DDI2: variants seen among roughly 807,000 people sequenced by gnomAD.
DDI2 encodes protein DDI1 homolog 2.
Under a neutral mutation model 48.1 loss-of-function variants are expected in DDI2, and 5 were observed. That is an observed-to-expected ratio of 0.10 (90% CI 0.05 to 0.22). The LOEUF (loss-of-function observed/expected upper bound fraction) is 0.22. Ranked by LOEUF, DDI2 falls within the 10% of genes least tolerant of loss-of-function variation. DDI2 has a pLI of 1.00. For missense variants in DDI2, 285 were observed against 506.2 expected (o/e 0.56, Z 4.19); for synonymous variants, 205 against 183.6 (o/e 1.12, Z -0.94).
At chr1:15,624,003 C>T (rs550234941) in intron 1 of DDI2, among the ~76,000 whole-genome samples, 4 of 152,178 alleles carry the variant, frequency 2.6e-5, no homozygotes, top group South Asian at 4.2e-4. Context: ...TACAGTGAGC[C>T]GAGATCCCGC....
chr1:15,620,386 A>G (rs1639638997), intron 1 of DDI2, among the ~76,000 whole-genome samples: 1 of 152,130 alleles, frequency 6.6e-6, no homozygotes, highest in Admixed American at 6.6e-5. Flanking sequence ...ACATCACTAT[A>G]GTTTTTACCC....
chr1:15,618,450 C>T (rs1402778364), intron 1 of DDI2, among the ~76,000 whole-genome samples: 2 of 152,308 alleles, frequency 1.3e-5, no homozygotes, highest in African/African-American at 2.4e-5. Flanking sequence ...ATTGGTTCAA[C>T]TCAAGCTGTT....
intron 2 of DDI2, chr1:15,627,065 C>T: frequency 2.4e-6 from 1 of 412,100 alleles, no homozygotes; most frequent in Non-Finnish European, 4.4e-6. Flanking sequence ...AGCAAGCCCT[C>T]AATAAATGTT....
At chr1:15,641,976 AGG>A (rs1173191459) in intron 5 of DDI2, among the ~76,000 whole-genome samples, 1 of 148,412 alleles carries the variant, frequency 6.7e-6, no homozygotes, top group Non-Finnish European at 1.5e-5. Context: ...AAAAAAAAAA[AGG>A]AGAAGAAAGG....
chr1:15,636,236 C>T (rs1424378276), intron 4 of DDI2, among the ~76,000 whole-genome samples: 1 of 152,048 alleles, frequency 6.6e-6, no homozygotes, highest in East Asian at 1.9e-4. Flanking sequence ...TCAGGTGATC[C>T]TCCCCCATCA....
chr1:15,652,025 T>C, intron 8 of DDI2, 130 bp downstream of exon 8: 1 of 850,478 alleles, frequency 1.2e-6, no homozygotes, highest in Non-Finnish European at 1.6e-6. Flanking sequence ...ATGTGTTCAT[T>C]ATTTGTCTTC....
rs1419003923 is a variant in DDI2 at position 15,666,806 on chromosome 1, A to G, written c.*7016A>G. On this transcript the variant is annotated 3_prime_UTR_variant, in exon 10 of 10. Coordinates refer to ENST00000480945, the MANE Select transcript of DDI2 (RefSeq NM_032341.5). ...CATCTATTTTTGCCTGTTAGCATGC[A>G]TTTATTTTAAAAGTCATATTAGAGT... 6.6e-6 allele frequency: 1 copy of G among 152,222 alleles called. No individual in the cohort carries two copies. The highest frequency in any genetic ancestry group is 1.9e-4 in the East Asian group (1 of 5,200). 9.4% of individuals were successfully genotyped at this position (152,222 alleles called of 1,614,324 possible). A position where few individuals can be genotyped will look rare whatever the true frequency, so the allele number is the denominator to read the frequency against.
intron 5 of DDI2, among the ~76,000 whole-genome samples, chr1:15,639,225 C>T (rs1239901441): frequency 1.3e-5 from 2 of 151,782 alleles, no homozygotes; most frequent in South Asian, 2.1e-4. Context: ...CAGTAACAAC[C>T]GTTTGCTTTT....
At position 15,660,082 on chromosome 1, in the gene DDI2, C is replaced by A; in HGVS notation, c.*292C>A. ...GCTAAACTCTGAAAAGAAAGAACAT[C>A]TTTCTTTACAAGATCTTTCTGATCA... On this transcript the variant is annotated 3_prime_UTR_variant, in exon 10 of 10. Transcript: ENST00000480945. The A allele has an allele frequency of 6.2e-7, 1 of 1,614,004 alleles. No homozygotes were observed. The highest frequency in any genetic ancestry group is 8.5e-7 in the Non-Finnish European group (1 of 1,179,950).
At chr1:15,622,735 T>A (rs1639688192) in intron 1 of DDI2, among the ~76,000 whole-genome samples, 1 of 152,220 alleles carries the variant, frequency 6.6e-6, no homozygotes, top group Non-Finnish European at 1.5e-5. Context: ...GGTTGGAAGA[T>A]CACATGGATT....
chr1:15,656,161 G>T (rs1010962384), intron 8 of DDI2, among the ~76,000 whole-genome samples: 1 of 152,072 alleles, frequency 6.6e-6, no homozygotes, highest in Non-Finnish European at 1.5e-5. Flanking sequence ...TTTAAAAACT[G>T]ATGAAAAGAT....
chr1:15,637,767 G>C (rs1201122933), intron 4 of DDI2, among the ~76,000 whole-genome samples: 5 of 152,086 alleles, frequency 3.3e-5, no homozygotes. Context: ...AGCATAAGCT[G>C]TTATATGAGC....
chr1:15,640,817 C>T (rs1639995498), intron 5 of DDI2, among the ~76,000 whole-genome samples: 2 of 151,966 alleles, frequency 1.3e-5, no homozygotes, highest in South Asian at 4.1e-4. Flanking sequence ...TGTAGGGTAC[C>T]TGTGAGTAAT....
rs779055774 is a variant in DDI2 at position 15,661,141 on chromosome 1, G to T, written c.*1351G>T. 6.2e-7 allele frequency: 1 copy of T among 1,613,996 alleles called. No individual in the cohort carries two copies. The highest frequency in any genetic ancestry group is 8.5e-7 in the Non-Finnish European group (1 of 1,179,980). ...TCATCAGGCCATATCTGTATCAGTG[G>T]AGACAGAAAAATTAACAGGTACTTC... On this transcript the variant is annotated 3_prime_UTR_variant, in exon 10 of 10. Coordinates refer to ENST00000480945, the MANE Select transcript of DDI2 (RefSeq NM_032341.5).
intron 7 of DDI2, among the ~76,000 whole-genome samples, chr1:15,650,419 G>T (rs893636055): frequency 6.6e-6 from 1 of 152,046 alleles, no homozygotes; most frequent in South Asian, 2.1e-4. Flanking sequence ...GACCTCACTG[G>T]GTACTTCACA....
intron 1 of DDI2, among the ~76,000 whole-genome samples, chr1:15,620,382 C>T (rs1122386): frequency 0.32 from 48,813 of 151,930 alleles, 8,739 homozygotes; most frequent in African/African-American, 0.46. Flanking sequence ...GTAAACATCA[C>T]TATAGTTTTT....
At chr1:15,638,199 T>C in intron 4 of DDI2, 108 bp from the exon 5 acceptor site, 1 of 1,525,166 alleles carries the variant, frequency 6.6e-7, no homozygotes, top group Non-Finnish European at 8.9e-7. Flanking sequence ...GCTGCTGTGC[T>C]TGGGGCAAAA....
At chr1:15,657,432 G>A (rs1332642082) in intron 9 of DDI2, among the ~76,000 whole-genome samples, 1 of 152,226 alleles carries the variant, frequency 6.6e-6, no homozygotes, top group South Asian at 2.1e-4. Flanking sequence ...TGTAAGGATA[G>A]GTTAAAAGCA....
intron 8 of DDI2, 118 bp downstream of exon 8, chr1:15,652,013 A>T: frequency 3.0e-6 from 2 of 670,148 alleles, no homozygotes; most frequent in Non-Finnish European, 4.2e-6. Context: ...GTCCAGTAGT[A>T]GATGTGTTCA....
Sources: gnomAD v4.1 joint callset for allele counts (sites outside exome capture counted in the v4.1 genomes callset) on GRCh38, gnomAD v4.1.1 for gene constraint, MANE v1.5 for transcripts, NCBI Gene and HGNC (gene_info 2026-07-23, HGNC 2026-07-21) for gene names.